The following MTMR3 variants were observed in gnomAD, a reference collection of about 807,000 sequenced individuals.
The protein encoded by MTMR3 is myotubularin related protein 3.
MTMR3 carries 32 observed loss-of-function variants against 132.4 expected under a neutral mutation model. That is an observed-to-expected ratio of 0.24 (90% CI 0.18 to 0.32). The LOEUF is 0.32. Among genes scored for constraint, MTMR3 ranks in the 10% least tolerant of loss-of-function variants. The pLI is 1.00. For synonymous variants in MTMR3, 556 were observed against 550.3 expected, an observed-to-expected ratio of 1.01 and a Z score of -0.14; for missense variants, 1,216 against 1,489.6, an observed-to-expected ratio of 0.82 and a Z score of 3.02.
At position 30,020,692 on chromosome 22, in the gene MTMR3, C is replaced by A. The variant is rs1282723077; in HGVS notation, c.3033C>A (p.Ser1011=). ...CAACCAGCAGCCCCGACCAGCCTTC[C>A]CGCAGCCACCTGGACGATGATGGCA... ...PSATSSPDQP[S]RSHLDDDGMS... Residue 1011 remains serine (S), a synonymous_variant, in exon 17 of 20, where the codon TCC becomes TCA. Transcript: ENST00000401950. 2 of 1,614,114 alleles carry A rather than the reference C, an allele frequency of 1.2e-6. No individual in the cohort carries two copies. The highest frequency in any genetic ancestry group is 4.5e-5 in the East Asian group (2 of 44,902).
chr22:29,941,757 A>G (rs900950830), intron 1 of MTMR3, among the ~76,000 whole-genome samples: 2 of 152,200 alleles, frequency 1.3e-5, no homozygotes, highest in African/African-American at 4.8e-5. Context: ...GTGGGAAAAT[A>G]TGTATGACAT....
chr22:30,009,145 T>G lies in MTMR3; in HGVS notation c.1121+16T>G. The G allele has an allele frequency of 1.3e-6, 2 of 1,548,914 alleles. No individual in the cohort carries two copies. The highest frequency in any genetic ancestry group is 2.2e-5 in the South Asian group (2 of 89,502). On this transcript the variant is annotated intron_variant, in intron 12 of 19. Transcript: ENST00000401950. ...ATCCGGGAAAGTAAGTCCTTGGCCT[T>G]GGCTTTCATTTTGCATTGCTCTTAA... is the stretch of plus-strand genomic sequence containing the variant.
chr22:29,954,433 GTTT>G (rs1050289215), intron 1 of MTMR3, among the ~76,000 whole-genome samples: 1 of 152,136 alleles, frequency 6.6e-6, no homozygotes, highest in African/African-American at 2.4e-5. Context: ...GGCATGAGCA[GTTT>G]TTAATTTGCT....
chr22:29,928,171 C>CTTTTTTTTTT (rs66896756), intron 1 of MTMR3, among the ~76,000 whole-genome samples: 1 of 107,704 alleles, frequency 9.3e-6, no homozygotes, highest in Non-Finnish European at 1.8e-5. Flanking sequence ...TTTTTTTTTT[C>CTTTTTTTTTT]TTTTTTTTTT....
At chr22:29,968,249 T>C (rs183828306) in intron 2 of MTMR3, among the ~76,000 whole-genome samples, 1 of 152,308 alleles carries the variant, frequency 6.6e-6, no homozygotes, top group East Asian at 1.9e-4. Context: ...CATCTGACAT[T>C]AGTATCTTCC....
chr22:29,902,905 TAGATG>T (rs2065027718), intron 1 of MTMR3, among the ~76,000 whole-genome samples: 1 of 152,146 alleles, frequency 6.6e-6, no homozygotes, highest in African/African-American at 2.4e-5. Flanking sequence ...CCAAGAGAAA[TAGATG>T]AGACCTTTTT....
intron 1 of MTMR3, among the ~76,000 whole-genome samples, chr22:29,929,487 T>A (rs1242860443): frequency 3.3e-5 from 5 of 151,948 alleles, no homozygotes; most frequent in African/African-American, 1.2e-4. Flanking sequence ...TTTTGGTCTG[T>A]TTTTCAGGTT....
intron 1 of MTMR3, among the ~76,000 whole-genome samples, chr22:29,939,262 A>G (rs2145807086): frequency 6.6e-6 from 1 of 152,326 alleles, no homozygotes; most frequent in Middle Eastern, 3.4e-3. Flanking sequence ...CTGGTTAAGG[A>G]GTGTCATGGT....
chr22:30,013,227 C>T (rs1160037574), intron 13 of MTMR3, 129 bp from the exon 14 acceptor site: 1 of 872,432 alleles, frequency 1.1e-6, no homozygotes, highest in African/African-American at 1.7e-5. Flanking sequence ...AGCCTTCCAC[C>T]AAAGGGCAAG....
intron 1 of MTMR3, among the ~76,000 whole-genome samples, chr22:29,927,939 G>GTTTTT (rs764629136): frequency 0.011 from 1,144 of 107,334 alleles, 59 homozygotes; most frequent in East Asian, 0.026. Context: ...TCTAGCCTTT[G>GTTTTT]TTTTTTTTTT....
intron 1 of MTMR3, among the ~76,000 whole-genome samples, chr22:29,915,622 C>T (rs1276639864): frequency 5.3e-5 from 8 of 152,100 alleles, no homozygotes; most frequent in Non-Finnish European, 8.8e-5. Flanking sequence ...ATATTTACCC[C>T]TGTGTTGGCA....
At chr22:29,988,391 T>A in intron 5 of MTMR3, 89 bp from the exon 6 acceptor site, 1 of 891,832 alleles carries the variant, frequency 1.1e-6, no homozygotes, top group Non-Finnish European at 1.7e-6. Context: ...CCCTTATAGA[T>A]CTTTTTAATT....
At chr22:29,990,337 TG>T (rs1236640006) in intron 6 of MTMR3, 4 of 152,244 alleles carry the variant, frequency 2.6e-5, no homozygotes, top group African/African-American at 9.6e-5. Context: ...TGACCTCTTC[TG>T]GGGTGTCAGT....
chr22:29,984,689 G>T (rs991292613), intron 5 of MTMR3: 1 of 152,210 alleles, frequency 6.6e-6, no homozygotes, highest in South Asian at 2.1e-4. Flanking sequence ...GTTGCTACAA[G>T]ACATTGAATC....
At chr22:29,922,797 G>C (rs981426400) in intron 1 of MTMR3, among the ~76,000 whole-genome samples, 1 of 151,744 alleles carries the variant, frequency 6.6e-6, no homozygotes, top group Non-Finnish European at 1.5e-5. Context: ...ACACAACCCA[G>C]CCAGCACTTA....
intron 1 of MTMR3, among the ~76,000 whole-genome samples, chr22:29,912,910 T>G (rs1395273719): frequency 3.9e-5 from 6 of 152,174 alleles, no homozygotes. Context: ...CCTTTAATAC[T>G]TAACTGTGAG....
At chr22:29,927,612 G>A (rs1185330884) in intron 1 of MTMR3, among the ~76,000 whole-genome samples, 1 of 152,054 alleles carries the variant, frequency 6.6e-6, no homozygotes, top group Non-Finnish European at 1.5e-5. Flanking sequence ...CTTAGTGGTA[G>A]TGGTAGAGGT....
At chr22:29,957,933 G>A (rs1257544429) in intron 2 of MTMR3, among the ~76,000 whole-genome samples, 1 of 152,002 alleles carries the variant, frequency 6.6e-6, no homozygotes, top group Non-Finnish European at 1.5e-5. Flanking sequence ...TTGTTAATCT[G>A]TCACTGTTTC....
At chr22:30,008,784 A>G in intron 11 of MTMR3, 1 of 430,256 alleles carries the variant, frequency 2.3e-6, no homozygotes, top group African/African-American at 2.1e-5. Flanking sequence ...TTATGTCAGT[A>G]TCTTCTTTAC....
Sources: gnomAD v4.1 joint callset for allele counts (sites outside exome capture counted in the v4.1 genomes callset) on GRCh38, gnomAD v4.1.1 for gene constraint, MANE v1.5 for transcripts, NCBI Gene and HGNC (gene_info 2026-07-23, HGNC 2026-07-21) for gene names.